MAP4K3: variants seen among roughly 807,000 people sequenced by gnomAD.
The protein encoded by MAP4K3 is MAPK/ERK kinase kinase kinase 3.
A neutral mutation model predicts 143.5 loss-of-function variants in MAP4K3; 94 were observed. That is an observed-to-expected ratio of 0.65 (90% CI 0.55 to 0.78). The LOEUF is 0.78. Ranked by LOEUF, MAP4K3 falls within the 30% of genes least tolerant of loss-of-function variation. The pLI, the probability that MAP4K3 is intolerant of heterozygous loss-of-function variation, is 0.00. For missense variants in MAP4K3, 1,077 were observed against 1,068.1 expected (o/e 1.01, Z -0.12); for synonymous variants, 416 against 347.2 (o/e 1.20, Z -2.20).
chr2:39,372,394 A>C (rs926216359), intron 2 of MAP4K3, among the ~76,000 whole-genome samples: 1 of 151,984 alleles, frequency 6.6e-6, no homozygotes, highest in African/African-American at 2.4e-5. Flanking sequence ...TGCAATTCCT[A>C]TCAAAATATG....
intron 1 of MAP4K3, among the ~76,000 whole-genome samples, chr2:39,421,759 G>A (rs993483323): frequency 1.3e-5 from 2 of 151,982 alleles, no homozygotes; most frequent in Non-Finnish European, 2.9e-5. Flanking sequence ...AGTTTGGCCC[G>A]TTTCCTGCAT....
intron 3 of MAP4K3, among the ~76,000 whole-genome samples, chr2:39,354,472 G>A (rs1360822372): frequency 2.0e-5 from 3 of 151,508 alleles, no homozygotes; most frequent in Non-Finnish European, 4.4e-5. Context: ...AAATAATTTA[G>A]CTGTGTGTGG....
intron 1 of MAP4K3, among the ~76,000 whole-genome samples, chr2:39,395,844 C>T (rs1277673803): frequency 6.6e-6 from 1 of 152,094 alleles, no homozygotes; most frequent in Non-Finnish European, 1.5e-5. Flanking sequence ...ACTGAGATTT[C>T]AATTACTCTT....
rs369726955 is a variant in MAP4K3 at position 39,402,869 on chromosome 2, A to G, written c.97-24746T>C. Among the ~76,000 whole-genome samples, 117 of 152,170 alleles carry G rather than the reference A, an allele frequency of 7.7e-4. 5 individuals are homozygous for G. In the South Asian group the frequency reaches 0.024, roughly 31 times the overall value. The stretch of plus-strand genomic sequence containing the variant: ...ACCAATGTTGGGAAGTAGAGACATG[A>G]CATCACTACAGATTGTACACATATT... On this transcript the variant is annotated intron_variant, in intron 1 of 33. Transcript: ENST00000263881.
In MAP4K3 at chr2:39,437,106, C is replaced by T; in HGVS notation, c.-119G>A. ...GGCTCCCCCGGCGGTCACAATCACCCGGCTCCACGCTGCGGCCGCCGCCGC... is the reference window on the plus strand; with the variant it reads ...GGCTCCCCCGGCGGTCACAATCACCTGGCTCCACGCTGCGGCCGCCGCCGC... On this transcript the variant is annotated 5_prime_UTR_variant, in exon 1 of 34. Transcript: ENST00000263881. 1 of 612,986 alleles carries T rather than the reference C, an allele frequency of 1.6e-6. No homozygotes were observed. The highest frequency in any genetic ancestry group is 3.6e-5 in the East Asian group (1 of 27,766). 38.0% of individuals were successfully genotyped at this position (612,986 alleles called of 1,614,324 possible). A position where few individuals can be genotyped will look rare whatever the true frequency, so the allele number is the denominator to read the frequency against.
At chr2:39,413,756 T>G (rs966221910) in intron 1 of MAP4K3, among the ~76,000 whole-genome samples, 1 of 151,362 alleles carries the variant, frequency 6.6e-6, no homozygotes, top group African/African-American at 2.4e-5. Context: ...ACCTGTAGAG[T>G]TCTTGGCATA....
intron 1 of MAP4K3, among the ~76,000 whole-genome samples, chr2:39,404,729 C>T (rs766756914): frequency 6.9e-6 from 1 of 145,626 alleles, no homozygotes. Flanking sequence ...TCAAGCGATT[C>T]TCCTGCCTCA....
intron 7 of MAP4K3, among the ~76,000 whole-genome samples, chr2:39,332,986 C>G (rs1040285330): frequency 6.6e-6 from 1 of 151,984 alleles, no homozygotes; most frequent in Non-Finnish European, 1.5e-5. Flanking sequence ...ATAACGAACA[C>G]TTGTTCTTAA....
chr2:39,317,453 A>T lies in MAP4K3; in HGVS notation c.919-2065T>A, dbSNP rs554675187. Among the ~76,000 whole-genome samples the T allele has an allele frequency of 2.6e-5, 4 of 152,322 alleles. No homozygotes were observed. In the East Asian group the frequency reaches 7.7e-4, roughly 29 times the overall value. ...AAACAGGTTCGGCACAGCAAAAGAA[A>T]CTATCAACAGAGTAAACAGACAACC... On this transcript the variant is annotated intron_variant, in intron 12 of 33. Coordinates refer to ENST00000263881, the MANE Select transcript of MAP4K3 (RefSeq NM_003618.4).
In MAP4K3 at chr2:39,373,876, G is replaced by C. The variant is rs1050405855; in HGVS notation, c.154+4190C>G. Among the ~76,000 whole-genome samples, 7 of 152,258 alleles carry C rather than the reference G, an allele frequency of 4.6e-5. No homozygotes were observed. In the South Asian group the frequency reaches 8.3e-4, roughly 18 times the overall value. On this transcript the variant is annotated intron_variant, in intron 2 of 33. Coordinates refer to ENST00000263881, the MANE Select transcript of MAP4K3 (RefSeq NM_003618.4). ...AATTAGAAAGAATGAATAAGCCCTA[G>C]TATTTGCAAGCACAACAGGGTGACT... is the stretch of plus-strand genomic sequence containing the variant.
intron 15 of MAP4K3, among the ~76,000 whole-genome samples, chr2:39,302,698 C>T (rs1314586161): frequency 7.2e-5 from 11 of 152,062 alleles, no homozygotes; most frequent in Admixed American, 7.2e-4. Flanking sequence ...CTTGAGTATG[C>T]CAGCATAAAA....
At chr2:39,371,846 C>A (rs1666089714) in intron 2 of MAP4K3, among the ~76,000 whole-genome samples, 2 of 151,150 alleles carry the variant, frequency 1.3e-5, no homozygotes, top group African/African-American at 2.4e-5. Context: ...CGTATACATA[C>A]ACACACATCT....
At position 39,292,902 on chromosome 2, in the gene MAP4K3, G is replaced by A. The variant is rs1290834602; in HGVS notation, c.1218-76C>T. On this transcript the variant is annotated intron_variant, in intron 17 of 33. Coordinates refer to ENST00000263881, the MANE Select transcript of MAP4K3 (RefSeq NM_003618.4). ...GTAAGAAGAAATTTTAGAAAATGCA[G>A]GAAAAGCTACTGTAAGATAAAATTT... 4.1e-6 allele frequency: 5 copies of A among 1,230,026 alleles called. No individual in the cohort carries two copies. In the Admixed American group the frequency reaches 9.2e-5, roughly 23 times the overall value. 76.2% of individuals were successfully genotyped at this position (1,230,026 alleles called of 1,614,324 possible).
At chr2:39,345,921 CAAAA>C (rs66729858) in intron 3 of MAP4K3, among the ~76,000 whole-genome samples, 1 of 15,842 alleles carries the variant, frequency 6.3e-5, no homozygotes, top group Non-Finnish European at 1.4e-4. Context: ...GACTCTGTCT[CAAAA>C]AAAAAAAAAA....
chr2:39,275,047 T>C (rs917064912), intron 24 of MAP4K3, among the ~76,000 whole-genome samples: 1 of 152,186 alleles, frequency 6.6e-6, no homozygotes, highest in South Asian at 2.1e-4. Flanking sequence ...TTTACTCTTA[T>C]AGGCTCCCTC....
Position 39,337,577 on chromosome 2 carries a change from A to T in MAP4K3, c.315T>A (p.Thr105=), listed in dbSNP as rs1665003499. ...CAATTTGCAGTTCTGACAGAGGTCC[A>T]GTTACTGTAAAAGAAGACAATTAAT... is the stretch of plus-strand genomic sequence containing the variant. The part of the protein sequence containing the change: ...GGSLQDIYHV[T]GPLSELQIAY... Residue 105 remains threonine, a synonymous_variant, in exon 5 of 34, where the codon ACT becomes ACA. Coordinates refer to ENST00000263881, the MANE Select transcript of MAP4K3 (RefSeq NM_003618.4). 2 of 1,607,812 alleles carry T rather than the reference A, an allele frequency of 1.2e-6. No individual in the cohort carries two copies. The highest frequency in any genetic ancestry group is 1.3e-5 in the African/African-American group (1 of 74,902).
chr2:39,407,669 T>A (rs1667133216), intron 1 of MAP4K3, among the ~76,000 whole-genome samples: 1 of 152,168 alleles, frequency 6.6e-6, no homozygotes, highest in Non-Finnish European at 1.5e-5. Flanking sequence ...CCTCCTGGGC[T>A]AAAGTGATCC....
intron 6 of MAP4K3, among the ~76,000 whole-genome samples, chr2:39,334,612 C>T (rs1228331519): frequency 6.6e-6 from 1 of 152,148 alleles, no homozygotes; most frequent in Non-Finnish European, 1.5e-5. Flanking sequence ...AGACTTCTGT[C>T]AGAGGCTTCA....
chr2:39,376,812 A>C (rs1014710258), intron 2 of MAP4K3, among the ~76,000 whole-genome samples: 5 of 152,320 alleles, frequency 3.3e-5, no homozygotes, highest in African/African-American at 1.2e-4. Flanking sequence ...GTCACTGCTT[A>C]ATGATTAAAA....
Sources: allele counts gnomAD v4.1 joint callset (sites outside exome capture counted in the v4.1 genomes callset), GRCh38; gene constraint gnomAD v4.1.1; transcripts MANE v1.5; gene names NCBI Gene and HGNC (gene_info 2026-07-23, HGNC 2026-07-21).